The following DCP1B variants were observed in gnomAD, a reference collection of about 807,000 sequenced individuals.
The protein encoded by DCP1B is mRNA-decapping enzyme 1B.
Under a neutral mutation model 60.5 loss-of-function variants are expected in DCP1B, and 47 were observed. The ratio of observed to expected loss-of-function variants is 0.78; its 90% CI spans 0.61 to 0.99. DCP1B has a LOEUF of 0.99. Among genes scored for constraint, DCP1B ranks in the 50% least tolerant of loss-of-function variants. DCP1B has a pLI of 0.00. For missense variants in DCP1B, 725 were observed against 756.8 expected (o/e 0.96, Z 0.49); for synonymous variants, 267 against 280.3 (o/e 0.95, Z 0.47).
At chr12:1,951,857 C>G (rs1195458364) in intron 7 of DCP1B, among the ~76,000 whole-genome samples, 1 of 152,180 alleles carries the variant, frequency 6.6e-6, no homozygotes, top group Non-Finnish European at 1.5e-5. Flanking sequence ...GCTTGGCATT[C>G]CAGATTGATT....
chr12:1,963,414 G>T (rs1219500964), intron 5 of DCP1B, among the ~76,000 whole-genome samples: 2 of 152,182 alleles, frequency 1.3e-5, no homozygotes, highest in African/African-American at 2.4e-5. Context: ...TCCCTTTAGG[G>T]CAGGCAGGAT....
Position 1,962,663 on chromosome 12 carries a change from T to TA in DCP1B, c.522+2894dup, listed in dbSNP as rs2031166590. Among the ~76,000 whole-genome samples, 2 of 152,058 alleles carry TA rather than the reference T, an allele frequency of 1.3e-5. No individual in the cohort carries two copies. Among genetic ancestry groups the TA allele is most frequent in the South Asian group, 4.2e-4 (2 of 4,816 alleles). ...TTTTTTTTAATGACTTTTGAAGAAT[T>TA]AAAAAAACACAAAATGAATACAGAA... On this transcript the variant is annotated intron_variant, in intron 5 of 8. Transcript: ENST00000280665. The surrounding 1 kb of genome is among the most constrained non-coding windows in gnomAD (Gnocchi z 4.4).
intron 3 of DCP1B, among the ~76,000 whole-genome samples, chr12:1,972,480 T>C (rs2032746724): frequency 6.6e-6 from 1 of 152,082 alleles, no homozygotes; most frequent in African/African-American, 2.4e-5. Flanking sequence ...GATCCCAAGA[T>C]ATTTAAAAAA....
At chr12:1,957,415 A>G (rs561549093) in intron 5 of DCP1B, among the ~76,000 whole-genome samples, 3 of 152,274 alleles carry the variant, frequency 2.0e-5, no homozygotes, top group Admixed American at 6.5e-5. Flanking sequence ...AAGTATAAAA[A>G]GTTTCTATCT....
rs1310256054 is a variant in DCP1B at position 1,948,996 on chromosome 12, G to A, written c.1773+90C>T. ...CACCTGTTATTCTCACGGAAGCTAA[G>A]CAGGCCTTGGCTGAGTCTTTATCTC... is the stretch of plus-strand genomic sequence containing the variant. On this transcript the variant is annotated intron_variant, in intron 8 of 8. Transcript: ENST00000280665. This position sits in a 1 kb window ranked among gnomAD's most constrained non-coding sequence, Gnocchi z 4.8. 2.0e-6 allele frequency: 3 copies of A among 1,512,670 alleles called. No homozygotes were observed. Among genetic ancestry groups the A allele is most frequent in the Non-Finnish European group, 2.7e-6 (3 of 1,113,164 alleles). 93.7% of individuals were successfully genotyped at this position (1,512,670 alleles called of 1,614,324 possible).
chr12:1,974,686 G>A (rs16928981), intron 3 of DCP1B, among the ~76,000 whole-genome samples: 2,300 of 152,066 alleles, frequency 0.015, 58 homozygotes, highest in African/African-American at 0.053. Context: ...TATTCTAGTC[G>A]CGTTTGATAA....
At chr12:1,959,652 T>C (rs145027195) in intron 5 of DCP1B, among the ~76,000 whole-genome samples, 7 of 152,328 alleles carry the variant, frequency 4.6e-5, no homozygotes, top group African/African-American at 1.7e-4. Flanking sequence ...TTAGTTAGCA[T>C]AGCTATTATG....
At chr12:1,955,638 TTA>T in intron 5 of DCP1B, 78 bp from the exon 6 acceptor site, 1 of 1,482,228 alleles carries the variant, frequency 6.7e-7, no homozygotes, top group Middle Eastern at 1.9e-4. Flanking sequence ...TTTTTACTTC[TTA>T]TCTAATTGGT....
At chr12:2,004,003 G>A (rs1382750820) in intron 1 of DCP1B, among the ~76,000 whole-genome samples, 1 of 151,898 alleles carries the variant, frequency 6.6e-6, no homozygotes, top group Admixed American at 6.6e-5. Context: ...CCTTTCCTTC[G>A]GCTCTTATGG....
downstream of DCP1B, among the ~76,000 whole-genome samples, chr12:1,942,580 TAACA>T (rs1402220828): frequency 2.6e-5 from 4 of 152,144 alleles, no homozygotes; most frequent in South Asian, 2.1e-4. Flanking sequence ...ATGGAAATCA[TAACA>T]AACAGTCTCT....
At position 1,971,102 on chromosome 12, in the gene DCP1B, C is replaced by T; in HGVS notation, c.320-3192G>A. 7.8e-7 allele frequency: 1 copy of T among 1,289,358 alleles called. No homozygotes were observed. The highest frequency in any genetic ancestry group is 1.0e-6 in the Non-Finnish European group (1 of 988,512). The allele number at this position is 1,289,358 out of a possible 1,614,324, so 79.9% of individuals were successfully genotyped here. On this transcript the variant is annotated intron_variant, in intron 3 of 8. Coordinates refer to ENST00000280665, the MANE Select transcript of DCP1B (RefSeq NM_152640.5). This position sits in a 1 kb window ranked among gnomAD's most constrained non-coding sequence, Gnocchi z 4.2. ...TGTTCAGCCTGGTACGCCTGCATAC[C>T]AGCCGCTTCCCAGCCACCTGTCTGC...
At chr12:1,954,379 C>T (rs536095158) in intron 6 of DCP1B, among the ~76,000 whole-genome samples, 8 of 152,106 alleles carry the variant, frequency 5.3e-5, no homozygotes, top group Non-Finnish European at 8.8e-5. Context: ...TCTTTTGGCT[C>T]CATGTTCATT....
chr12:2,000,376 A>C (rs112650196), intron 1 of DCP1B, among the ~76,000 whole-genome samples: 4,163 of 152,226 alleles, frequency 0.027, 95 homozygotes, highest in Middle Eastern at 0.054. Context: ...AGATCTGAAT[A>C]AGGATATCTA....
chr12:2,003,796 A>G (rs1032880458), intron 1 of DCP1B, among the ~76,000 whole-genome samples: 23 of 152,268 alleles, frequency 1.5e-4, no homozygotes, highest in African/African-American at 5.1e-4. Flanking sequence ...TTAAGTTTAC[A>G]ACTTGCAGAT....
downstream of DCP1B, among the ~76,000 whole-genome samples, chr12:1,943,709 T>C (rs190047285): frequency 8.9e-3 from 1,350 of 152,310 alleles, 13 homozygotes; most frequent in African/African-American, 0.031. Flanking sequence ...TCTCAATAGA[T>C]GCAGAAAAGG....
chr12:1,967,954 C>T, intron 3 of DCP1B, 44 bp from the exon 4 acceptor site: 1 of 1,523,982 alleles, frequency 6.6e-7, no homozygotes, highest in East Asian at 2.3e-5. Context: ...ATCTTCAAAA[C>T]TACAAAATAG....
intron 8 of DCP1B, 60 bp downstream of exon 8, chr12:1,949,025 GT>G: frequency 6.3e-7 from 1 of 1,577,652 alleles, no homozygotes; most frequent in Admixed American, 1.7e-5. Flanking sequence ...TTATCTCATA[GT>G]TGCAGCCAGG....
At chr12:1,952,080 G>C (rs1164006240) in intron 7 of DCP1B, among the ~76,000 whole-genome samples, 1 of 152,258 alleles carries the variant, frequency 6.6e-6, no homozygotes, top group Non-Finnish European at 1.5e-5. Flanking sequence ...GGTGCACCCT[G>C]CTCCAAACAG....
At chr12:1,952,251 G>A (rs1217607686) in intron 7 of DCP1B, among the ~76,000 whole-genome samples, 165 bp downstream of exon 7, 1 of 151,880 alleles carries the variant, frequency 6.6e-6, no homozygotes, top group African/African-American at 2.4e-5. Context: ...ATGGTTCACT[G>A]TAACCTCCGC....
Sources: gnomAD v4.1 joint callset for allele counts (sites outside exome capture counted in the v4.1 genomes callset) on GRCh38, gnomAD v4.1.1 for gene constraint, Gnocchi (gnomAD v3.1) non-coding constraint, MANE v1.5 for transcripts, NCBI Gene and HGNC (gene_info 2026-07-23, HGNC 2026-07-21) for gene names.